Variants in SGCD observed in about 807,000 individuals in gnomAD.
SGCD encodes sarcoglycan delta.
A neutral mutation model predicts 36.6 loss-of-function variants in SGCD; 18 were observed. The observed-to-expected ratio is 0.49, with a 90% confidence interval of 0.34 to 0.73. SGCD has a LOEUF of 0.73. Among genes scored for constraint, SGCD ranks in the 30% least tolerant of loss-of-function variants. SGCD has a pLI of 0.01. For missense variants in SGCD, 387 were observed against 346.7 expected (o/e 1.12, Z -0.92); for synonymous variants, 133 against 130.6 (o/e 1.02, Z -0.12).
At chr5:155,737,533 A>T in the SGCD span, among the ~76,000 whole-genome samples, 5 of 152,196 alleles carry the variant, frequency 3.3e-5, no homozygotes, top group African/African-American at 1.2e-4. Context: ...ATTTCATGAC[A>T]CTCATGGGTT....
intron 4 of SGCD, among the ~76,000 whole-genome samples, chr5:156,555,571 T>G (rs1178944887): frequency 6.6e-6 from 1 of 152,136 alleles, no homozygotes; most frequent in Non-Finnish European, 1.5e-5. Context: ...TTTATTCTAT[T>G]GTCTTTATTG....
chr5:156,316,481 C>G (rs1382861546), intron 3 of SGCD, among the ~76,000 whole-genome samples: 1 of 151,762 alleles, frequency 6.6e-6, no homozygotes, highest in Admixed American at 6.6e-5. Flanking sequence ...TCACAAAAGA[C>G]CTCAAATAAC....
chr5:156,113,317 G>A (rs1178849367), intron 1 of SGCD, among the ~76,000 whole-genome samples: 1 of 152,116 alleles, frequency 6.6e-6, no homozygotes, highest in African/African-American at 2.4e-5. Flanking sequence ...CTGGAGGGAA[G>A]ATTTTTTTCC....
intron 7 of SGCD, among the ~76,000 whole-genome samples, chr5:156,712,685 C>T (rs1263525206): frequency 3.9e-5 from 6 of 152,180 alleles, no homozygotes; most frequent in Admixed American, 6.5e-5. Flanking sequence ...CCCCAGTTCA[C>T]GCAGCGGAGC....
chr5:156,294,178 C>T (rs889256299), intron 3 of SGCD, among the ~76,000 whole-genome samples: 2 of 151,940 alleles, frequency 1.3e-5, no homozygotes, highest in African/African-American at 4.8e-5. Flanking sequence ...TTTTGCATGT[C>T]GACTTTGTAT....
intron 3 of SGCD, among the ~76,000 whole-genome samples, chr5:156,216,893 A>T (rs1193225085): frequency 6.6e-6 from 1 of 152,212 alleles, no homozygotes; most frequent in Non-Finnish European, 1.5e-5. Flanking sequence ...AGCCTGGCCA[A>T]CATGGCAAAA....
chr5:156,367,252 AAG>A (rs1770151646), intron 3 of SGCD, among the ~76,000 whole-genome samples: 1 of 152,276 alleles, frequency 6.6e-6, no homozygotes, highest in African/African-American at 2.4e-5. Context: ...AAGGGGTAGA[AAG>A]AGGATGCAGG....
intron 3 of SGCD, among the ~76,000 whole-genome samples, chr5:156,175,959 TA>T (rs1763457752): frequency 6.6e-6 from 1 of 151,934 alleles, no homozygotes; most frequent in South Asian, 2.1e-4. Flanking sequence ...TTTTTTTTTT[TA>T]TTTTTGGAGT....
the SGCD span, among the ~76,000 whole-genome samples, chr5:155,835,629 CAT>C: frequency 2.6e-5 from 4 of 152,212 alleles, no homozygotes; most frequent in East Asian, 1.9e-4. Context: ...CATTATCTCA[CAT>C]AGTTACATGT....
chr5:155,902,492 C>CT (rs199934174), intron 1 of SGCD, among the ~76,000 whole-genome samples: 1,681 of 152,060 alleles, frequency 0.011, 121 homozygotes, highest in Admixed American at 0.099. Context: ...AGGTTCGTTA[C>CT]TTTTTTTTAT....
chr5:156,575,963 C>T (rs759671876), intron 4 of SGCD, among the ~76,000 whole-genome samples: 11 of 152,040 alleles, frequency 7.2e-5, no homozygotes, highest in East Asian at 3.9e-4. Flanking sequence ...CTAGGGTACA[C>T]GTGCACAACA....
chr5:156,129,168 G>T (rs928667615), intron 3 of SGCD, among the ~76,000 whole-genome samples: 1 of 152,116 alleles, frequency 6.6e-6, no homozygotes, highest in South Asian at 2.1e-4. Flanking sequence ...GCATTTCACT[G>T]CATGTAAATT....
intron 4 of SGCD, among the ~76,000 whole-genome samples, chr5:156,537,224 G>A (rs1204765797): frequency 3.3e-5 from 5 of 152,064 alleles, no homozygotes; most frequent in South Asian, 4.1e-4. Flanking sequence ...CCAGGACAGT[G>A]CTCTCTCCCC....
intron 1 of SGCD, among the ~76,000 whole-genome samples, chr5:155,896,676 A>C (rs978056932): frequency 6.6e-6 from 1 of 151,960 alleles, no homozygotes; most frequent in African/African-American, 2.4e-5. Flanking sequence ...TAACAATTTT[A>C]TAAAAAAATA....
At chr5:155,828,774 C>T in the SGCD span, among the ~76,000 whole-genome samples, 2 of 151,964 alleles carry the variant, frequency 1.3e-5, no homozygotes, top group East Asian at 3.9e-4. Flanking sequence ...GTAACCTCCG[C>T]CTACTGGGTT....
intron 7 of SGCD, among the ~76,000 whole-genome samples, chr5:156,721,094 C>T (rs372819377): frequency 5.3e-5 from 8 of 152,088 alleles, no homozygotes; most frequent in African/African-American, 9.7e-5. Context: ...CTGCACACAG[C>T]GGAAACGGGG....
At chr5:156,304,725 A>C (rs1767157706) in intron 3 of SGCD, among the ~76,000 whole-genome samples, 1 of 152,216 alleles carries the variant, frequency 6.6e-6, no homozygotes, top group Non-Finnish European at 1.5e-5. Context: ...AAAATGTGGG[A>C]AAGTTTGAAA....
At chr5:156,448,650 C>T (rs544715291) in intron 3 of SGCD, among the ~76,000 whole-genome samples, 13 of 151,066 alleles carry the variant, frequency 8.6e-5, no homozygotes, top group African/African-American at 3.2e-4. Context: ...CAGGGACAGG[C>T]AACTCATGGT....
intron 1 of SGCD, among the ~76,000 whole-genome samples, chr5:156,039,357 A>G (rs1415965152): frequency 6.6e-6 from 1 of 151,970 alleles, no homozygotes; most frequent in East Asian, 1.9e-4. Context: ...TTATCTCTGT[A>G]TGCCCCCACC....
Sources: allele counts gnomAD v4.1 joint callset (sites outside exome capture counted in the v4.1 genomes callset), GRCh38; gene constraint gnomAD v4.1.1; transcripts MANE v1.5; gene names NCBI Gene and HGNC (gene_info 2026-07-23, HGNC 2026-07-21).